The following MYO1C variants were observed in gnomAD, a reference collection of about 807,000 sequenced individuals.
The protein encoded by MYO1C is unconventional myosin-Ic.
In MYO1C, 104 loss-of-function variants were observed where a neutral mutation model predicts 150.8. The observed-to-expected ratio is 0.69, with a 90% CI of 0.59 to 0.81. MYO1C has a LOEUF of 0.81. Ranked by LOEUF, MYO1C falls within the 30% of genes least tolerant of loss-of-function variation. The probability of loss-of-function intolerance (pLI) is 0.00; values close to 1 mark genes in which losing one functional copy is unlikely to be tolerated. For missense variants in MYO1C, 1,504 were observed against 1,435.0 expected, an observed-to-expected ratio of 1.05 and a Z score of -0.78; for synonymous variants, 663 against 579.9, an observed-to-expected ratio of 1.14 and a Z score of -2.06.
chr17:1,480,341 G>T (rs573057925), intron 7 of MYO1C, among the ~76,000 whole-genome samples, 186 bp downstream of exon 7: 4 of 150,760 alleles, frequency 2.7e-5, no homozygotes, highest in Admixed American at 2.0e-4. Context: ...CCAGCTACTC[G>T]GGAGGCTGAG....
chr17:1,479,326 T>A lies in MYO1C; in HGVS notation c.1092+105A>T. ...GCTTCTCTGAGCAGCCTTCCTTCCA[T>A]CCCTCCAGCATTGCTGAGGGAACCA... On this transcript the variant is annotated intron_variant, in intron 9 of 31. Transcript: ENST00000648651. The surrounding 1 kb of genome is among the most constrained non-coding windows in gnomAD (Gnocchi z 4.2). 1 of 748,270 alleles carries A rather than the reference T, an allele frequency of 1.3e-6. No individual in the cohort carries two copies. 46.4% of individuals were successfully genotyped at this position (748,270 alleles called of 1,614,324 possible). A position where few individuals can be genotyped will look rare whatever the true frequency, so the allele number is the denominator to read the frequency against.
At chr17:1,469,445 T>TACG in intron 25 of MYO1C, 86 bp downstream of exon 25, 19 of 1,259,458 alleles carry the variant, frequency 1.5e-5, no homozygotes, top group Non-Finnish European at 2.1e-5. Context: ...CCGGGGTAAA[T>TACG]GCCCCTCCAG....
rs2074587007 is a variant in MYO1C, at chr17:1,483,681, G to A, written c.276C>T (p.Asp92=). 1 of 1,613,148 alleles carries A rather than the reference G, an allele frequency of 6.2e-7. No individual in the cohort carries two copies. Among genetic ancestry groups the A allele is most frequent in the South Asian group, 1.1e-5 (1 of 90,872 alleles). The part of the protein sequence containing the change: ...PVLVSVNPYR[D]LQIYSRQHME... ...TATGCTGCCGGCTGTAGATCTGCAG[G>A]TCCCGGTAGGGATTGACAGAGACCA... The change falls in exon 3 of 32, where the codon GAC becomes GAT. Residue 92 remains aspartate, a synonymous_variant. Transcript: ENST00000648651.
At chr17:1,491,761 C>A in intron 1 of MYO1C, 1 of 572,062 alleles carries the variant, frequency 1.7e-6, no homozygotes, top group South Asian at 7.5e-5. Flanking sequence ...CCCGCCCCGC[C>A]CCGCCTCAGC....
In MYO1C at chr17:1,471,971, C is replaced by T. The variant is rs1471424286; in HGVS notation, c.1957G>A (p.Glu653Lys). ...RHQVKYLGLL[E>K]NLRVRRAGFA... ...CCGGCTCTGCGCACGCGCAGGTTTT[C>T]CAACAGCCCCAGGTACTTCACCTGG... Residue 653 changes from glutamate to lysine, a missense_variant, in exon 19 of 32, where the codon GAA (glutamate) becomes AAA (lysine). Transcript: ENST00000648651. The T allele has an allele frequency of 2.5e-6, 4 of 1,613,994 alleles. No homozygotes were observed. Among genetic ancestry groups the T allele is most frequent in the Non-Finnish European group, 3.4e-6 (4 of 1,180,014 alleles).
At position 1,469,483 on chromosome 17, in the gene MYO1C, ACT is replaced by A. The variant is rs2074253725; in HGVS notation, c.2610+46_2610+47del. On this transcript the variant is annotated intron_variant, in intron 25 of 31. Coordinates refer to ENST00000648651, the MANE Select transcript of MYO1C (RefSeq NM_001080779.2). ...GGACACCCTTTGAGCAATGCTTGCG[ACT>A]CCCTGACTCCACTTCCTCATCCTCA... 8.6e-6 allele frequency: 12 copies of A among 1,402,610 alleles called. No individual in the cohort carries two copies. The South Asian group carries it at 1.5e-4, about 17-fold the overall frequency. The allele number at this position is 1,402,610 out of a possible 1,614,324, so 86.9% of individuals were successfully genotyped here. A position where few individuals can be genotyped will look rare whatever the true frequency, so the allele number is the denominator to read the frequency against.
chr17:1,490,480 A>G (rs1400199442), intron 1 of MYO1C, among the ~76,000 whole-genome samples: 1 of 152,168 alleles, frequency 6.6e-6, no homozygotes, highest in Non-Finnish European at 1.5e-5. Context: ...CCTGGGCAAC[A>G]GAGCGAGACT....
At position 1,479,437 on chromosome 17, in the gene MYO1C, C is replaced by T. The variant is rs1221771739; in HGVS notation, c.1086G>A (p.Gly362=). 23 of 1,435,528 alleles carry T rather than the reference C, an allele frequency of 1.6e-5. No individual in the cohort carries two copies. The highest frequency in any genetic ancestry group is 2.3e-4 in the Middle Eastern group (1 of 4,412). The allele number at this position is 1,435,528 out of a possible 1,614,324, so 88.9% of individuals were successfully genotyped here. A position where few individuals can be genotyped will look rare whatever the true frequency, so the allele number is the denominator to read the frequency against. ...GGCAAGGGCCCGGCCTCACCTCCTC[C>T]CCCTTGGCGATGATCTTCCTGTGTG... The part of the protein sequence containing the change: ...ALTHRKIIAK[G]EELLSPLNLE... The change falls in exon 9 of 32, where the codon GGG becomes GGA. Residue 362 remains glycine, a synonymous_variant. Transcript: ENST00000648651. The surrounding 1 kb of genome is among the most constrained non-coding windows in gnomAD (Gnocchi z 4.2).
rs1297625288 is a variant in MYO1C, at chr17:1,478,667, G to A, written c.1161C>T (p.Ser387=). 10 of 1,614,074 alleles carry A rather than the reference G, an allele frequency of 6.2e-6. No individual in the cohort carries two copies. Among genetic ancestry groups the A allele is most frequent in the Non-Finnish European group, 8.5e-6 (10 of 1,180,052 alleles). The part of the protein sequence containing the change: ...ARDALAKAVY[S]RTFTWLVGKI... ...TCCCGACGAGCCAGGTAAAAGTGCG[G>A]CTGTACACAGCCTTGGCGAGGGCGT... is the stretch of plus-strand genomic sequence containing the variant. The change falls in exon 10 of 32, where the codon AGC becomes AGT. Residue 387 remains serine (S), a synonymous_variant. Coordinates refer to ENST00000648651, the MANE Select transcript of MYO1C (RefSeq NM_001080779.2). This position sits in a 1 kb window ranked among gnomAD's most constrained non-coding sequence, Gnocchi z 6.3.
At chr17:1,484,504 G>C in intron 1 of MYO1C, 2 of 651,306 alleles carry the variant, frequency 3.1e-6, no homozygotes, top group Admixed American at 2.4e-5. Flanking sequence ...CGGGTGTGGA[G>C]GGCCCGGGTC....
intron 3 of MYO1C, 55 bp downstream of exon 3, chr17:1,483,555 G>A (rs1374685310): frequency 3.1e-6 from 4 of 1,304,536 alleles, no homozygotes; most frequent in Non-Finnish European, 2.2e-6. Flanking sequence ...GGTTGGGCGG[G>A]GTCACCTCAG....
At chr17:1,483,150 G>T in intron 3 of MYO1C, 91 bp from the exon 4 acceptor site, 1 of 1,306,090 alleles carries the variant, frequency 7.7e-7, no homozygotes, top group Non-Finnish European at 1.1e-6. Context: ...GAGTCCTCTT[G>T]TGGGAGTCGA....
intron 1 of MYO1C, chr17:1,485,113 G>T (rs1012914457): frequency 8.2e-7 from 1 of 1,223,382 alleles, no homozygotes. Context: ...CAGGGGATGG[G>T]GGCTTTACCA....
Position 1,482,608 on chromosome 17 carries a change from T to TCCC in MYO1C, c.547-53_547-51dup. ...GACACCTGGCACTCTCCCCCTGCCCTCCCCACCCCGCCTTGTAGCTACTGC... is the reference window on the plus strand; with the variant it reads ...GACACCTGGCACTCTCCCCCTGCCCTCCCCCCCACCCCGCCTTGTAGCTACTGC... On this transcript the variant is annotated intron_variant, in intron 4 of 31. Coordinates refer to ENST00000648651, the MANE Select transcript of MYO1C (RefSeq NM_001080779.2). The TCCC allele has an allele frequency of 3.5e-6, 4 of 1,148,280 alleles. No individual in the cohort carries two copies. The South Asian group carries it at 5.0e-5, about 14-fold the overall frequency. 71.1% of individuals were successfully genotyped at this position (1,148,280 alleles called of 1,614,324 possible).
Position 1,478,690 on chromosome 17 carries a change from C to A in MYO1C, c.1138G>T (p.Ala380Ser), listed in dbSNP as rs368294806. The change falls in exon 10 of 32, where the codon GCC (alanine) becomes TCC (serine). Residue 380 changes from alanine (A) to serine (S), a missense_variant. Coordinates refer to ENST00000648651, the MANE Select transcript of MYO1C (RefSeq NM_001080779.2). This position sits in a 1 kb window ranked among gnomAD's most constrained non-coding sequence, Gnocchi z 6.3. ...CGGCTGTACACAGCCTTGGCGAGGG[C>A]GTCTCGTGCGTACGCGGCCTGCTCC... The part of the protein sequence containing the change: ...NLEQAAYARD[A>S]LAKAVYSRTF... 2.4e-5 allele frequency: 38 copies of A among 1,614,036 alleles called. No individual in the cohort carries two copies. Among genetic ancestry groups the A allele is most frequent in the Non-Finnish European group, 2.9e-5 (34 of 1,180,042 alleles).
chr17:1,477,573 C>T lies in MYO1C; in HGVS notation c.1506G>A (p.Gly502=). The change falls in exon 14 of 32, where the codon GGG becomes GGA. Residue 502 remains glycine (G), a synonymous_variant. Coordinates refer to ENST00000648651, the MANE Select transcript of MYO1C (RefSeq NM_001080779.2). ...CCAGGAAGGTCAGGTCTGTGGCCTCCCCGGGGCGCAGACACTCCTCATCCT... is the reference window on the plus strand; with the variant it reads ...CCAGGAAGGTCAGGTCTGTGGCCTCTCCGGGGCGCAGACACTCCTCATCCT... ...SILDEECLRP[G]EATDLTFLEK... 1 of 1,613,518 alleles carries T rather than the reference C, an allele frequency of 6.2e-7. No individual in the cohort carries two copies. Among genetic ancestry groups the T allele is most frequent in the Non-Finnish European group, 8.5e-7 (1 of 1,179,978 alleles).
chr17:1,470,143 G>C (rs1180174242), intron 24 of MYO1C, 32 bp downstream of exon 24: 1 of 1,594,506 alleles, frequency 6.3e-7, no homozygotes, highest in Non-Finnish European at 8.5e-7. Flanking sequence ...GTACTATGAT[G>C]GTCCCTAACT....
chr17:1,468,398 C>T lies in MYO1C; in HGVS notation c.2704+5G>A, dbSNP rs1019723808. The T allele has an allele frequency of 6.2e-7, 1 of 1,613,926 alleles. No individual in the cohort carries two copies. The highest frequency in any genetic ancestry group is 8.5e-7 in the Non-Finnish European group (1 of 1,179,846). On this transcript the variant is annotated splice_donor_5th_base_variant and intron_variant, in intron 26 of 31. Transcript: ENST00000648651. ...GGTCTGAGTGCTGGAAAGTCAGGGG[C>T]TCACCAAGCCGAGTGCTGATGAAGA...
chr17:1,466,151 GC>G (rs1191953809), intron 31 of MYO1C, among the ~76,000 whole-genome samples: 3 of 123,144 alleles, frequency 2.4e-5, no homozygotes, highest in South Asian at 2.4e-4. Context: ...TTGCCGTGCT[GC>G]CTTTTTTTTT....
Sources: allele counts gnomAD v4.1 joint callset (sites outside exome capture counted in the v4.1 genomes callset), GRCh38; gene constraint gnomAD v4.1.1; non-coding constraint Gnocchi (gnomAD v3.1); transcripts MANE v1.5; gene names NCBI Gene and HGNC (gene_info 2026-07-23, HGNC 2026-07-21).